Variants in ZDHHC15 observed in about 807,000 individuals in gnomAD.
ZDHHC15 encodes the protein zDHHC palmitoyltransferase 15.
A neutral mutation model predicts 31.7 loss-of-function variants in ZDHHC15; 19 were observed. The observed-to-expected ratio is 0.60, with a 90% CI of 0.42 to 0.88. ZDHHC15 has a LOEUF of 0.88. ZDHHC15 is among the 40% of genes least tolerant of loss of function. The pLI, the probability that ZDHHC15 is intolerant of heterozygous loss-of-function variation, is 0.00. For synonymous variants in ZDHHC15, 103 were observed against 90.0 expected (o/e 1.14, Z -0.82); for missense variants, 209 against 251.2 (o/e 0.83, Z 1.14).
chrX:75,446,802 C>CGCT (rs1460714502), intron 4 of ZDHHC15, among the ~76,000 whole-genome samples: 1 of 111,202 alleles, frequency 9.0e-6, no homozygotes, highest in African/African-American at 3.3e-5. Flanking sequence ...ATTATAAGGG[C>CGCT]ACTAATCACA....
At chrX:75,410,479 T>C (rs2083472857) in intron 10 of ZDHHC15, among the ~76,000 whole-genome samples, 1 of 112,121 alleles carries the variant, frequency 8.9e-6, no homozygotes, top group South Asian at 3.7e-4. Context: ...GACATACAAA[T>C]GGCCAACAGG....
At chrX:75,390,278 C>T (rs111622821) in intron 10 of ZDHHC15, among the ~76,000 whole-genome samples, 17 of 111,808 alleles carry the variant, frequency 1.5e-4, no homozygotes, top group African/African-American at 5.5e-4. Context: ...TGCCTGGAAC[C>T]TGGGGGAATT....
rs1432020970 is a variant in ZDHHC15 at position 75,371,840 on chromosome X, T to C, written c.*1138A>G. The stretch of plus-strand genomic sequence containing the variant: ...GACTAAAAGAAAGGCTGATTATAAA[T>C]AAATGGGGAAATTGATGCAAACTGT... On this transcript the variant is annotated 3_prime_UTR_variant, in exon 12 of 12. Coordinates refer to ENST00000373367, the MANE Select transcript of ZDHHC15 (RefSeq NM_144969.3). 2.7e-5 allele frequency: 3 copies of C among 111,950 alleles called. No homozygotes were observed. The East Asian group carries it at 8.4e-4, about 31-fold the overall frequency. 9.2% of individuals were successfully genotyped at this position (111,950 alleles called of 1,213,427 possible).
chrX:75,504,853 C>G (rs996990699), intron 2 of ZDHHC15, among the ~76,000 whole-genome samples: 4 of 111,913 alleles, frequency 3.6e-5, no homozygotes, highest in African/African-American at 1.3e-4. Flanking sequence ...GAAACATGCA[C>G]TGATTCACCA....
At chrX:75,433,908 G>C (rs2083816668) in intron 4 of ZDHHC15, among the ~76,000 whole-genome samples, 3 of 110,901 alleles carry the variant, frequency 2.7e-5, no homozygotes, top group African/African-American at 9.9e-5. Flanking sequence ...GTTCTTTAAG[G>C]AATCTCCATA....
At chrX:75,407,443 G>A (rs1210483913) in intron 10 of ZDHHC15, among the ~76,000 whole-genome samples, 4 of 105,547 alleles carry the variant, frequency 3.8e-5, no homozygotes, top group Non-Finnish European at 5.9e-5. Flanking sequence ...AGGGAGGTGG[G>A]AGGCAGCCCC....
intron 4 of ZDHHC15, among the ~76,000 whole-genome samples, chrX:75,434,989 G>A (rs1390840918): frequency 8.9e-6 from 1 of 111,854 alleles, no homozygotes; most frequent in Non-Finnish European, 1.9e-5. Context: ...GTTTCCATTT[G>A]TTTACGTTGT....
chrX:75,397,735 CAACTT>C (rs1387992172), intron 10 of ZDHHC15, among the ~76,000 whole-genome samples: 1 of 111,186 alleles, frequency 9.0e-6, no homozygotes, highest in African/African-American at 3.3e-5. Flanking sequence ...ATCTAGGAAA[CAACTT>C]GACCCACAGA....
At chrX:75,390,305 A>C (rs1204186220) in intron 10 of ZDHHC15, among the ~76,000 whole-genome samples, 1 of 111,886 alleles carries the variant, frequency 8.9e-6, no homozygotes, top group Non-Finnish European at 1.9e-5. Context: ...CCAGAAGGGA[A>C]GAACAGAAAC....
intron 4 of ZDHHC15, among the ~76,000 whole-genome samples, chrX:75,448,096 C>T (rs2084058626): frequency 8.9e-6 from 1 of 112,029 alleles, no homozygotes; most frequent in Non-Finnish European, 1.9e-5. Flanking sequence ...GTAAATTGGA[C>T]TATTACTACT....
intron 2 of ZDHHC15, among the ~76,000 whole-genome samples, chrX:75,495,891 C>T (rs1224985710): frequency 2.8e-5 from 3 of 106,915 alleles, no homozygotes; most frequent in East Asian, 2.9e-4. Flanking sequence ...TGTAACTAAC[C>T]TGCACATTGT....
At chrX:75,397,611 C>T (rs2083312773) in intron 10 of ZDHHC15, among the ~76,000 whole-genome samples, 1 of 110,943 alleles carries the variant, frequency 9.0e-6, no homozygotes, top group South Asian at 3.9e-4. Flanking sequence ...GGAGTAGTGG[C>T]CAAGATGGTC....
rs1212879967 is a variant in ZDHHC15 at position 75,478,999 on chromosome X, A to G, written c.164-14T>C. The G allele has an allele frequency of 9.1e-7, 1 of 1,104,120 alleles. No homozygotes were observed. The highest frequency in any genetic ancestry group is 1.8e-5 in the African/African-American group (1 of 54,700). The allele number at this position is 1,104,120 out of a possible 1,213,427, so 91.0% of individuals were successfully genotyped here. On this transcript the variant is annotated splice_polypyrimidine_tract_variant and intron_variant, in intron 2 of 11. Transcript: ENST00000373367. ...TGAGGTAAATAACTGAAATAAAAAA[A>G]AAATCAGTGTTTATACTATCTTTTT...
At chrX:75,467,156 G>A (rs1254728537) in intron 3 of ZDHHC15, among the ~76,000 whole-genome samples, 2 of 112,435 alleles carry the variant, frequency 1.8e-5, no homozygotes, top group Non-Finnish European at 3.8e-5. Context: ...TGGTTATTTT[G>A]TTTACTTAGA....
At chrX:75,488,939 C>G (rs2084822773) in intron 2 of ZDHHC15, among the ~76,000 whole-genome samples, 1 of 112,154 alleles carries the variant, frequency 8.9e-6, no homozygotes, top group East Asian at 2.8e-4. Flanking sequence ...AAACGGCACA[C>G]CAGGAGATTA....
intron 9 of ZDHHC15, among the ~76,000 whole-genome samples, chrX:75,419,796 G>T (rs1343878165): frequency 9.2e-6 from 1 of 108,436 alleles, no homozygotes; most frequent in Non-Finnish European, 1.9e-5. Context: ...CATGTCCTTT[G>T]TAGGGACATG....
intron 1 of ZDHHC15, among the ~76,000 whole-genome samples, chrX:75,513,469 A>C (rs774474172): frequency 9.0e-6 from 1 of 111,295 alleles, no homozygotes; most frequent in East Asian, 2.8e-4. Context: ...TGGTGAAGAA[A>C]AGAACTGATG....
Position 75,482,071 on chromosome X carries a change from T to A in ZDHHC15, c.164-3086A>T, listed in dbSNP as rs758972430. The stretch of plus-strand genomic sequence containing the variant: ...GGTGTGCCCAAGATCTCATTCTTCA[T>A]GACAGTACAAGAATTGCTCAAGAGT... On this transcript the variant is annotated intron_variant, in intron 2 of 11. Coordinates refer to ENST00000373367, the MANE Select transcript of ZDHHC15 (RefSeq NM_144969.3). Among the ~76,000 whole-genome samples the A allele has an allele frequency of 2.7e-5, 3 of 111,339 alleles. No individual in the cohort carries two copies. In the South Asian group the frequency reaches 1.1e-3, roughly 43 times the overall value.
intron 10 of ZDHHC15, among the ~76,000 whole-genome samples, chrX:75,382,544 G>A (rs1326195917): frequency 8.9e-6 from 1 of 112,269 alleles, no homozygotes; most frequent in Non-Finnish European, 1.9e-5. Flanking sequence ...AATGACAAGT[G>A]TATGAACAGG....
Sources: gnomAD v4.1 joint callset for allele counts (sites outside exome capture counted in the v4.1 genomes callset) on GRCh38, gnomAD v4.1.1 for gene constraint, MANE v1.5 for transcripts, NCBI Gene and HGNC (gene_info 2026-07-23, HGNC 2026-07-21) for gene names.